SDK1: variants seen among roughly 807,000 people sequenced by gnomAD.
SDK1 encodes sidekick cell adhesion molecule 1.
Under a neutral mutation model 245.5 loss-of-function variants are expected in SDK1, and 157 were observed. That is an observed-to-expected ratio of 0.64 (90% CI 0.56 to 0.73). SDK1 has a LOEUF of 0.73. SDK1 is among the 30% of genes least tolerant of loss of function. The pLI is 0.00. For synonymous variants in SDK1, 1,647 were observed against 1,278.5 expected (o/e 1.29, Z -6.15); for missense variants, 3,583 against 3,002.3 (o/e 1.19, Z -4.52).
At chr7:3,385,962 TTCCTC>T (rs1172193800) in intron 1 of SDK1, among the ~76,000 whole-genome samples, 2 of 152,178 alleles carry the variant, frequency 1.3e-5, no homozygotes, top group Non-Finnish European at 2.9e-5. Flanking sequence ...TGCTCTCCCT[TTCCTC>T]TGCATGGATT....
At chr7:3,943,612 CG>C (rs1217297517) in intron 5 of SDK1, among the ~76,000 whole-genome samples, 1 of 151,414 alleles carries the variant, frequency 6.6e-6, no homozygotes, top group African/African-American at 2.4e-5. Context: ...CTCCCCAACC[CG>C]GCGCACGGTG....
intron 1 of SDK1, among the ~76,000 whole-genome samples, chr7:3,497,297 A>G (rs1388614236): frequency 6.6e-6 from 1 of 152,206 alleles, no homozygotes; most frequent in Non-Finnish European, 1.5e-5. Context: ...AATGTACGCA[A>G]GGGGACTGGT....
At chr7:3,998,271 C>G (rs1224011188) in intron 14 of SDK1, among the ~76,000 whole-genome samples, 1 of 152,228 alleles carries the variant, frequency 6.6e-6, no homozygotes, top group East Asian at 1.9e-4. Context: ...GCAAGCGGCC[C>G]CGGCAGCACC....
At position 4,149,399 on chromosome 7, in the gene SDK1, C is replaced by T. The variant is rs779789732; in HGVS notation, c.4561C>T (p.Arg1521Trp). 6 of 1,581,692 alleles carry T rather than the reference C, an allele frequency of 3.8e-6. No homozygotes were observed. Among genetic ancestry groups the T allele is most frequent in the East Asian group, 2.4e-5 (1 of 42,000 alleles). The change falls in exon 30 of 45, where the codon CGG becomes TGG. Residue 1521 changes from arginine to tryptophan, a missense_variant. Coordinates refer to ENST00000404826, the MANE Select transcript of SDK1 (RefSeq NM_152744.4). ...CACCATGCAGGTGCGAGAGCTGCCT[C>T]GGGGTGAGTGGCAGACCTACTCCTC... ...YFTMQVRELP[R>W]GEWQTYSSSI...
At chr7:4,179,029 C>T (rs987520905) in intron 35 of SDK1, 1 of 161,360 alleles carries the variant, frequency 6.2e-6, no homozygotes, top group Non-Finnish European at 1.3e-5. Context: ...GGGCCATTGT[C>T]TCCACCCCTT....
chr7:4,199,460 C>A (rs976179436), intron 35 of SDK1, among the ~76,000 whole-genome samples: 2 of 152,208 alleles, frequency 1.3e-5, no homozygotes, highest in African/African-American at 4.8e-5. Context: ...TGGACGAAAT[C>A]AAACGCCAGA....
At chr7:3,886,432 A>T (rs1781341072) in intron 5 of SDK1, among the ~76,000 whole-genome samples, 1 of 152,242 alleles carries the variant, frequency 6.6e-6, no homozygotes, top group Non-Finnish European at 1.5e-5. Context: ...TTTACAGATA[A>T]TGAAGCTGAG....
chr7:4,265,149 C>G lies in SDK1; in HGVS notation c.6407C>G (p.Ala2136Gly). ...GCCACGGACTCTGACTACGAGGACG[C>G]GCTGCCCAAGCACTCCTTCGTGAAC... ...SEATDSDYED[A>G]LPKHSFVNHY... The change falls in exon 45 of 45, where the codon GCG becomes GGG. Residue 2136 changes from alanine to glycine, a missense_variant. Coordinates refer to ENST00000404826, the MANE Select transcript of SDK1 (RefSeq NM_152744.4). The G allele has an allele frequency of 6.2e-7, 1 of 1,612,230 alleles. No homozygotes were observed. Among genetic ancestry groups the G allele is most frequent in the Non-Finnish European group, 8.5e-7 (1 of 1,179,576 alleles).
At chr7:3,537,470 T>C (rs1309102953) in intron 1 of SDK1, among the ~76,000 whole-genome samples, 1 of 152,160 alleles carries the variant, frequency 6.6e-6, no homozygotes, top group Middle Eastern at 3.2e-3. Context: ...GAGGGTTAGG[T>C]TGGACTGTAA....
At chr7:4,028,805 A>T (rs566028450) in intron 17 of SDK1, among the ~76,000 whole-genome samples, 62 of 152,262 alleles carry the variant, frequency 4.1e-4, no homozygotes, top group South Asian at 1.9e-3. Flanking sequence ...GTGACTTGGG[A>T]TGGGGTTCAT....
intron 1 of SDK1, among the ~76,000 whole-genome samples, chr7:3,567,415 T>C (rs1172042862): frequency 1.3e-5 from 2 of 152,230 alleles, no homozygotes; most frequent in Non-Finnish European, 2.9e-5. Flanking sequence ...TTGATTGGTA[T>C]GGACTTTCCA....
chr7:3,985,242 A>G (rs527828783), intron 13 of SDK1, among the ~76,000 whole-genome samples: 2 of 152,382 alleles, frequency 1.3e-5, no homozygotes, highest in South Asian at 2.1e-4. Context: ...TCAGGAAACT[A>G]AAACAGTCTG....
chr7:3,981,948 G>A (rs1405321451), intron 13 of SDK1, among the ~76,000 whole-genome samples: 1 of 152,246 alleles, frequency 6.6e-6, no homozygotes, highest in East Asian at 1.9e-4. Context: ...AATTTGCAGT[G>A]TAGACGAAAC....
intron 19 of SDK1, among the ~76,000 whole-genome samples, chr7:4,064,623 C>G (rs565745085): frequency 1.3e-5 from 2 of 152,288 alleles, no homozygotes; most frequent in South Asian, 4.2e-4. Context: ...ATGCTTACTG[C>G]AGCACCATTC....
intron 5 of SDK1, among the ~76,000 whole-genome samples, chr7:3,941,316 C>G (rs1049770176): frequency 1.3e-5 from 2 of 152,084 alleles, no homozygotes; most frequent in Non-Finnish European, 2.9e-5. Context: ...GTGCTCCCAC[C>G]CGCTCTAGAC....
chr7:3,928,910 G>A (rs188634349), intron 5 of SDK1, among the ~76,000 whole-genome samples: 95 of 152,352 alleles, frequency 6.2e-4, no homozygotes, highest in East Asian at 7.7e-4. Flanking sequence ...AACCCCACGC[G>A]TGCATTCTGT....
intron 4 of SDK1, among the ~76,000 whole-genome samples, chr7:3,708,356 T>C (rs55984536): frequency 5.9e-5 from 3 of 50,446 alleles, no homozygotes; most frequent in African/African-American, 1.7e-4. Flanking sequence ...ACCTCCAAGG[T>C]CCAGTTACCT....
intron 2 of SDK1, among the ~76,000 whole-genome samples, chr7:3,635,787 A>T (rs764114242): frequency 9.2e-5 from 14 of 151,540 alleles, no homozygotes; most frequent in Non-Finnish European, 1.9e-4. Context: ...GCTCACTGCA[A>T]CCTCCACCTC....
intron 1 of SDK1, among the ~76,000 whole-genome samples, chr7:3,485,083 T>G (rs531315671): frequency 6.6e-6 from 1 of 152,298 alleles, no homozygotes; most frequent in Admixed American, 6.5e-5. Flanking sequence ...CTCCATACTG[T>G]TTTCCATAAT....
Sources: gnomAD v4.1 joint callset for allele counts (sites outside exome capture counted in the v4.1 genomes callset) on GRCh38, gnomAD v4.1.1 for gene constraint, MANE v1.5 for transcripts, NCBI Gene and HGNC (gene_info 2026-07-23, HGNC 2026-07-21) for gene names.